The following SLC5A7 variants were observed in gnomAD, a reference collection of about 807,000 sequenced individuals.
SLC5A7 encodes high affinity choline transporter 1.
SLC5A7 carries 19 observed loss-of-function variants against 55.4 expected under a neutral mutation model. The observed-to-expected ratio is 0.34, with a 90% CI of 0.24 to 0.50. The LOEUF is 0.50. Among genes scored for constraint, SLC5A7 ranks in the 20% least tolerant of loss-of-function variants. SLC5A7 has a pLI of 0.98. For synonymous variants in SLC5A7, 265 were observed against 263.7 expected (o/e 1.00, Z -0.05); for missense variants, 506 against 705.3 (o/e 0.72, Z 3.20).
At chr2:108,002,084 G>T (rs3731683) in intron 6 of SLC5A7, 44 bp downstream of exon 6, 4 of 1,575,502 alleles carry the variant, frequency 2.5e-6, no homozygotes, top group Admixed American at 3.6e-5. Flanking sequence ...AATTGTTCCT[G>T]AAATCAAATT....
At chr2:107,996,654 G>A (rs1387940098) in intron 4 of SLC5A7, among the ~76,000 whole-genome samples, 1 of 152,154 alleles carries the variant, frequency 6.6e-6, no homozygotes, top group Non-Finnish European at 1.5e-5. Context: ...AGCAACAAGT[G>A]AATTATGAAC....
intron 3 of SLC5A7, 102 bp downstream of exon 3, chr2:107,992,321 T>G (rs982289630): frequency 5.0e-6 from 3 of 602,716 alleles, no homozygotes; most frequent in Non-Finnish European, 8.4e-6. Context: ...GAATAACCAT[T>G]GTAAAAAAAT....
chr2:107,995,406 A>G (rs1053452259), intron 4 of SLC5A7, among the ~76,000 whole-genome samples: 1 of 152,042 alleles, frequency 6.6e-6, no homozygotes, highest in Non-Finnish European at 1.5e-5. Flanking sequence ...ATCAAACAAC[A>G]TATATAAAAA....
chr2:107,997,782 C>G, intron 4 of SLC5A7, 56 bp from the exon 5 acceptor site: 7 of 1,469,700 alleles, frequency 4.8e-6, no homozygotes, highest in Non-Finnish European at 5.4e-6. Flanking sequence ...TGTCCTTATA[C>G]AAAGAGCAGA....
chr2:107,989,293 G>C (rs781092754), intron 2 of SLC5A7, among the ~76,000 whole-genome samples: 72 of 152,180 alleles, frequency 4.7e-4, no homozygotes, highest in Non-Finnish European at 9.7e-4. Flanking sequence ...ATGATATCAA[G>C]TGATGCCCAA....
In SLC5A7 at chr2:108,011,886, ACT is replaced by A. The variant is rs1303253047; in HGVS notation, c.*1028_*1029del. ...TAGTAGTAAAATTAGAAAAAAACAA[ACT>A]CTACTAATTTTTAGATATTCATTAA... On this transcript the variant is annotated 3_prime_UTR_variant, in exon 9 of 9. Coordinates refer to ENST00000264047, the MANE Select transcript of SLC5A7 (RefSeq NM_021815.5). 1 of 152,378 alleles carries A rather than the reference ACT, an allele frequency of 6.6e-6. No homozygotes were observed. Among genetic ancestry groups the A allele is most frequent in the Non-Finnish European group, 1.5e-5 (1 of 67,992 alleles). The allele number at this position is 152,378 out of a possible 1,614,324, so 9.4% of individuals were successfully genotyped here. A position where few individuals can be genotyped will look rare whatever the true frequency, so the allele number is the denominator to read the frequency against.
chr2:108,006,233 CAGTT>C (rs756958136), intron 7 of SLC5A7, 31 bp downstream of exon 7: 1 of 1,611,916 alleles, frequency 6.2e-7, no homozygotes, highest in Non-Finnish European at 8.5e-7. Flanking sequence ...CCACATGTGC[CAGTT>C]AGTTTACCAA....
At chr2:107,996,856 C>T (rs1677689841) in intron 4 of SLC5A7, among the ~76,000 whole-genome samples, 1 of 152,140 alleles carries the variant, frequency 6.6e-6, no homozygotes, top group African/African-American at 2.4e-5. Flanking sequence ...CTTCAGTATA[C>T]TGGTATCCTA....
chr2:107,996,168 CA>C (rs923757212), intron 4 of SLC5A7, among the ~76,000 whole-genome samples: 10 of 149,160 alleles, frequency 6.7e-5, no homozygotes, highest in South Asian at 2.1e-4. Flanking sequence ...GAACTACACA[CA>C]AAAAAAAAGA....
chr2:108,006,043 G>A lies in SLC5A7; in HGVS notation c.742-6G>A, dbSNP rs371989232. 3.0e-5 allele frequency: 49 copies of A among 1,613,652 alleles called. 1 individual carries two copies. The highest frequency in any genetic ancestry group is 3.3e-4 in the Middle Eastern group (2 of 6,060). ...TTGCCTCTCCATCCTTGTGTTTCCC[G>A]CACAGATGCTGGGTGGAATCCCATG... On this transcript the variant is annotated splice_region_variant and splice_polypyrimidine_tract_variant and intron_variant, in intron 6 of 8. Transcript: ENST00000264047.
rs753096220 is a variant in SLC5A7, at chr2:108,010,869, T to G, written c.*8T>G. ...GAAGATAATTTACAGTGACCCCATCTAAATAAAATACTGCTTTTGCAAACA... is the reference window on the plus strand; with the variant it reads ...GAAGATAATTTACAGTGACCCCATCGAAATAAAATACTGCTTTTGCAAACA... On this transcript the variant is annotated 3_prime_UTR_variant, in exon 9 of 9. Coordinates refer to ENST00000264047, the MANE Select transcript of SLC5A7 (RefSeq NM_021815.5). 1.0e-5 allele frequency: 16 copies of G among 1,551,932 alleles called. No homozygotes were observed. Among genetic ancestry groups the G allele is most frequent in the Admixed American group, 6.2e-5 (3 of 48,172 alleles).
intron 6 of SLC5A7, among the ~76,000 whole-genome samples, chr2:108,005,237 G>A (rs541885577): frequency 6.6e-6 from 1 of 152,308 alleles, no homozygotes; most frequent in African/African-American, 2.4e-5. Flanking sequence ...TCTCATAGTA[G>A]AAAGTAAGTT....
chr2:107,995,209 G>A (rs1677620330), intron 4 of SLC5A7, among the ~76,000 whole-genome samples: 2 of 152,216 alleles, frequency 1.3e-5, no homozygotes, highest in South Asian at 4.1e-4. Context: ...TTACTGCACT[G>A]AATACTATAG....
chr2:108,007,238 G>A (rs1229880870), intron 7 of SLC5A7, among the ~76,000 whole-genome samples: 5 of 152,052 alleles, frequency 3.3e-5, no homozygotes, highest in Non-Finnish European at 5.9e-5. Flanking sequence ...AGGTGATCCA[G>A]GGTGATGTTC....
In SLC5A7 at chr2:108,010,876, A is replaced by T; in HGVS notation, c.*15A>T. 1 of 1,545,726 alleles carries T rather than the reference A, an allele frequency of 6.5e-7. No individual in the cohort carries two copies. The highest frequency in any genetic ancestry group is 8.6e-7 in the Non-Finnish European group (1 of 1,156,756). On this transcript the variant is annotated 3_prime_UTR_variant, in exon 9 of 9. Transcript: ENST00000264047. The stretch of plus-strand genomic sequence containing the variant: ...ATTTACAGTGACCCCATCTAAATAA[A>T]ATACTGCTTTTGCAAACAGAACACT...
chr2:108,005,918 T>G, intron 6 of SLC5A7, 131 bp from the exon 7 acceptor site: 1 of 1,027,144 alleles, frequency 9.7e-7, no homozygotes, highest in Non-Finnish European at 1.4e-6. Flanking sequence ...TAATTGATAT[T>G]TGTGGCTACA....
chr2:107,995,077 G>A (rs754187450), intron 4 of SLC5A7, among the ~76,000 whole-genome samples: 3 of 152,260 alleles, frequency 2.0e-5, no homozygotes, highest in Admixed American at 6.5e-5. Flanking sequence ...TGCATCAGCA[G>A]GCAATTTTGA....
Position 108,010,505 on chromosome 2 carries a change from C to A in SLC5A7, c.1387C>A (p.Pro463Thr). The change falls in exon 9 of 9, where the codon CCT (proline) becomes ACT (threonine). Residue 463 changes from proline to threonine, a missense_variant. Coordinates refer to ENST00000264047, the MANE Select transcript of SLC5A7 (RefSeq NM_021815.5). The part of the protein sequence containing the change: ...YLYLQPLIFY[P>T]GYYPDDNGIY... ...GTATCTTCAGCCCTTGATCTTCTAC[C>A]CTGGCTATTACCCTGATGATAATGG... is the stretch of plus-strand genomic sequence containing the variant. 1 of 1,613,908 alleles carries A rather than the reference C, an allele frequency of 6.2e-7. No homozygotes were observed. Among genetic ancestry groups the A allele is most frequent in the African/African-American group, 1.3e-5 (1 of 75,004 alleles).
chr2:108,013,577 T>C lies in SLC5A7; in HGVS notation c.*2716T>C, dbSNP rs1293999653. Reference sequence around the variant, plus strand: ...AGTAATGCAGACATTTACATGTTCTTCCAGCTTCAATCAGTAGACCTGATT... The same window carrying C: ...AGTAATGCAGACATTTACATGTTCTCCCAGCTTCAATCAGTAGACCTGATT... On this transcript the variant is annotated 3_prime_UTR_variant, in exon 9 of 9. Coordinates refer to ENST00000264047, the MANE Select transcript of SLC5A7 (RefSeq NM_021815.5). 1 of 152,144 alleles carries C rather than the reference T, an allele frequency of 6.6e-6. No homozygotes were observed. Among genetic ancestry groups the C allele is most frequent in the Non-Finnish European group, 1.5e-5 (1 of 68,012 alleles). The allele number at this position is 152,144 out of a possible 1,614,324, so 9.4% of individuals were successfully genotyped here.
Sources: allele counts gnomAD v4.1 joint callset (sites outside exome capture counted in the v4.1 genomes callset), GRCh38; gene constraint gnomAD v4.1.1; transcripts MANE v1.5; gene names NCBI Gene and HGNC (gene_info 2026-07-23, HGNC 2026-07-21).